The following AXDND1 variants were observed in gnomAD, a reference collection of about 807,000 sequenced individuals.
The protein encoded by AXDND1 is axonemal dynein light chain domain-containing protein 1.
A neutral mutation model predicts 137.5 loss-of-function variants in AXDND1; 110 were observed. The ratio of observed to expected loss-of-function variants is 0.80; its 90% CI spans 0.69 to 0.94. AXDND1 has a LOEUF of 0.94. Among genes scored for constraint, AXDND1 ranks in the 40% least tolerant of loss-of-function variants. The probability of loss-of-function intolerance (pLI) is 0.00; values close to 1 mark genes in which losing one functional copy is unlikely to be tolerated. For missense variants in AXDND1, 1,191 were observed against 1,169.8 expected (o/e 1.02, Z -0.26); for synonymous variants, 414 against 399.7 (o/e 1.04, Z -0.43).
rs146749734 is a variant in AXDND1 at position 179,511,393 on chromosome 1, G to GGGGT, written c.2496+1991_2496+1992insGGTG. Among the ~76,000 whole-genome samples the GGGGT allele has an allele frequency of 2.9e-3, 425 of 145,118 alleles. 2 individuals carry two copies. The highest frequency in any genetic ancestry group is 9.3e-3 in the African/African-American group (367 of 39,312). ...TATATACATAGTATATGGTATATGG[G>GGGGT]GTGTGTGTGTGTGTGTGTGTGTGTG... On this transcript the variant is annotated intron_variant, in intron 21 of 25. Transcript: ENST00000367618.
intron 17 of AXDND1, among the ~76,000 whole-genome samples, chr1:179,481,888 C>T (rs566234926): frequency 6.6e-6 from 1 of 152,248 alleles, no homozygotes; most frequent in South Asian, 2.1e-4. Flanking sequence ...TGATCTTGTT[C>T]TGAACTCAAG....
intron 16 of AXDND1, chr1:179,453,705 C>G (rs967815561): frequency 4.0e-5 from 6 of 149,232 alleles, no homozygotes; most frequent in African/African-American, 1.5e-4. Context: ...GAGGCCGAGG[C>G]AGGAGAGTCA....
chr1:179,488,849 C>T lies in AXDND1; in HGVS notation c.2092-2689C>T, dbSNP rs1464079959. On this transcript the variant is annotated intron_variant, in intron 18 of 25. Transcript: ENST00000367618. ...TCCTGGATTCAAGTGATTCTCCTGC[C>T]TCAGCCTCCCAAGTAGCTGGAATTA... Among the ~76,000 whole-genome samples, 7 of 145,718 alleles carry T rather than the reference C, an allele frequency of 4.8e-5. 2 individuals are homozygous for T. The highest frequency in any genetic ancestry group is 1.6e-4 in the African/African-American group (6 of 37,428).
rs935585584 is a variant in AXDND1 at position 179,370,626 on chromosome 1, G to A, written c.374+548G>A. Among the ~76,000 whole-genome samples the A allele has an allele frequency of 1.1e-4, 16 of 152,162 alleles. 1 individual carries two copies. Among genetic ancestry groups the A allele is most frequent in the South Asian group, 8.3e-4 (4 of 4,834 alleles). On this transcript the variant is annotated intron_variant, in intron 4 of 25. Coordinates refer to ENST00000367618, the MANE Select transcript of AXDND1 (RefSeq NM_144696.6). ...CAAACATTCTAAGTCATTCTAAGGC[G>A]GTCAAGTGGGTCAACATTTTCCCTG...
At chr1:179,447,542 G>T in intron 16 of AXDND1, 2 of 704,338 alleles carry the variant, frequency 2.8e-6, no homozygotes, top group Non-Finnish European at 4.5e-6. Context: ...GAAGCTACAG[G>T]CTATGTATAA....
At chr1:179,379,893 C>T (rs1164091845) in intron 6 of AXDND1, among the ~76,000 whole-genome samples, 4 of 151,770 alleles carry the variant, frequency 2.6e-5, no homozygotes, top group Admixed American at 6.6e-5. Context: ...CACTCATATT[C>T]CTGAGCAATA....
At chr1:179,411,319 T>G in intron 12 of AXDND1, 53 bp downstream of exon 12, 2 of 1,577,846 alleles carry the variant, frequency 1.3e-6, no homozygotes, top group Admixed American at 2.0e-5. Flanking sequence ...AAAGATTCAT[T>G]CTACAGTTTT....
chr1:179,418,005 T>A (rs113809356), intron 12 of AXDND1, among the ~76,000 whole-genome samples: 50,695 of 150,334 alleles, frequency 0.34, 8,679 homozygotes, highest in Middle Eastern at 0.43. Flanking sequence ...TTATTTATTT[T>A]TTTATTGATC....
At chr1:179,495,837 T>A (rs1019394104) in intron 20 of AXDND1, among the ~76,000 whole-genome samples, 30 of 151,814 alleles carry the variant, frequency 2.0e-4, no homozygotes, top group East Asian at 3.9e-4. Flanking sequence ...AGGTTTTTTT[T>A]ATAGATACCC....
chr1:179,552,129 T>C (rs1558338179), intron 25 of AXDND1: 2 of 173,982 alleles, frequency 1.1e-5, no homozygotes, highest in African/African-American at 4.8e-5. Context: ...CTTTGCCTCT[T>C]GCTGTCATGC....
intron 15 of AXDND1, among the ~76,000 whole-genome samples, chr1:179,435,138 A>G (rs1016634326): frequency 2.0e-5 from 3 of 152,178 alleles, no homozygotes; most frequent in African/African-American, 7.2e-5. Context: ...CCAATAAGGG[A>G]TGCGAAGGAC....
intron 20 of AXDND1, among the ~76,000 whole-genome samples, chr1:179,508,410 T>C (rs1668726131): frequency 6.6e-6 from 1 of 152,058 alleles, no homozygotes; most frequent in South Asian, 2.1e-4. Context: ...TTCAGGAGCC[T>C]ACAGTGGGTC....
At chr1:179,539,683 C>T (rs181009807) in intron 25 of AXDND1, among the ~76,000 whole-genome samples, 12 of 152,226 alleles carry the variant, frequency 7.9e-5, no homozygotes, top group Non-Finnish European at 5.9e-5. Flanking sequence ...TTGCTCTTCT[C>T]AAGGAATATC....
At chr1:179,369,875 G>A (rs755827108) in intron 3 of AXDND1, 100 bp from the exon 4 acceptor site, 2 of 763,154 alleles carry the variant, frequency 2.6e-6, no homozygotes, top group Non-Finnish European at 4.3e-6. Context: ...GTACCCAAGT[G>A]CCCTTAATGT....
chr1:179,522,596 A>G (rs182433685), intron 21 of AXDND1, among the ~76,000 whole-genome samples: 41 of 152,136 alleles, frequency 2.7e-4, no homozygotes, highest in African/African-American at 8.7e-4. Flanking sequence ...AGTTAAATAA[A>G]TATAATCCAT....
intron 18 of AXDND1, among the ~76,000 whole-genome samples, chr1:179,490,305 C>T (rs1375789785): frequency 2.6e-5 from 4 of 152,154 alleles, no homozygotes; most frequent in Non-Finnish European, 5.9e-5. Context: ...TAGAGAAATA[C>T]TCCAGAACTA....
intron 17 of AXDND1, among the ~76,000 whole-genome samples, chr1:179,474,960 G>A (rs771827395): frequency 3.3e-5 from 5 of 152,216 alleles, no homozygotes; most frequent in Admixed American, 6.5e-5. Flanking sequence ...GGGACATGGC[G>A]TCCTGTGTCC....
At chr1:179,398,479 G>A (rs538482678) in intron 11 of AXDND1, among the ~76,000 whole-genome samples, 166 of 152,336 alleles carry the variant, frequency 1.1e-3, no homozygotes, top group Non-Finnish European at 1.8e-3. Context: ...TGTGTCAGCA[G>A]CAGCAGTAGT....
At chr1:179,376,320 C>T (rs181083276) in intron 4 of AXDND1, among the ~76,000 whole-genome samples, 9 of 152,182 alleles carry the variant, frequency 5.9e-5, no homozygotes, top group Admixed American at 2.0e-4. Flanking sequence ...TGCAGTCAGC[C>T]GTACATGAGT....
Sources: allele counts gnomAD v4.1 joint callset (sites outside exome capture counted in the v4.1 genomes callset), GRCh38; gene constraint gnomAD v4.1.1; transcripts MANE v1.5; gene names NCBI Gene and HGNC (gene_info 2026-07-23, HGNC 2026-07-21).